The following SRBD1 variants were observed in gnomAD, a reference collection of about 807,000 sequenced individuals.
SRBD1 encodes S1 RNA binding domain 1.
SRBD1 carries 88 observed loss-of-function variants against 115.3 expected under a neutral mutation model. The observed-to-expected ratio is 0.76, with a 90% CI of 0.64 to 0.91. The LOEUF (loss-of-function observed/expected upper bound fraction) is 0.91, where lower values mean the gene tolerates loss of function less well. Ranked by LOEUF, SRBD1 falls within the 40% of genes least tolerant of loss-of-function variation. SRBD1 has a pLI of 0.00. For synonymous variants in SRBD1, 509 were observed against 407.7 expected, an observed-to-expected ratio of 1.25 and a Z score of -2.99; for missense variants, 1,385 against 1,177.4, an observed-to-expected ratio of 1.18 and a Z score of -2.58.
In SRBD1 at chr2:45,456,842, C is replaced by T. The variant is rs752229912; in HGVS notation, c.2049+20151G>A. Among the ~76,000 whole-genome samples, 8 of 151,784 alleles carry T rather than the reference C, an allele frequency of 5.3e-5. 1 individual carries two copies. The highest frequency in any genetic ancestry group is 7.4e-5 in the Non-Finnish European group (5 of 67,838). ...GACTTACAGTTGTAAAAGCAAACAA[C>T]GTAACTCTGGATTAGGGCACGTTTA... On this transcript the variant is annotated intron_variant, in intron 16 of 20. Transcript: ENST00000263736.
At chr2:45,508,213 C>T (rs1212045361) in intron 14 of SRBD1, among the ~76,000 whole-genome samples, 1 of 151,994 alleles carries the variant, frequency 6.6e-6, no homozygotes, top group South Asian at 2.1e-4. Context: ...TCTTGAAATT[C>T]CCAAAGGTAA....
chr2:45,580,195 G>C (rs1673306951), intron 6 of SRBD1, among the ~76,000 whole-genome samples, 182 bp from the exon 7 acceptor site: 1 of 152,098 alleles, frequency 6.6e-6, no homozygotes. Context: ...GATGGTATGT[G>C]CTTTATCTTA....
chr2:45,479,100 C>T (rs1350648790), intron 15 of SRBD1, among the ~76,000 whole-genome samples: 2 of 152,138 alleles, frequency 1.3e-5, no homozygotes, highest in Non-Finnish European at 2.9e-5. Flanking sequence ...TATAAGGTAA[C>T]AAACTTAATC....
At chr2:45,598,862 G>A (rs1673991665) in intron 4 of SRBD1, among the ~76,000 whole-genome samples, 1 of 152,118 alleles carries the variant, frequency 6.6e-6, no homozygotes, top group South Asian at 2.1e-4. Context: ...GTCCCAGAAT[G>A]TGCTGGGACA....
chr2:45,607,999 G>A (rs1310634870), intron 1 of SRBD1, among the ~76,000 whole-genome samples: 1 of 152,126 alleles, frequency 6.6e-6, no homozygotes, highest in Non-Finnish European at 1.5e-5. Context: ...AACCCACCCA[G>A]ATCACCTTAC....
intron 16 of SRBD1, among the ~76,000 whole-genome samples, chr2:45,463,265 C>G (rs1476097727): frequency 6.6e-6 from 1 of 152,190 alleles, no homozygotes; most frequent in African/African-American, 2.4e-5. Flanking sequence ...CCCACTTCAA[C>G]TCTTATACCT....
chr2:45,442,336 T>C (rs1415202154), intron 16 of SRBD1, among the ~76,000 whole-genome samples: 1 of 152,166 alleles, frequency 6.6e-6, no homozygotes, highest in Non-Finnish European at 1.5e-5. Context: ...TTAATAGATA[T>C]GGGAAAAAAC....
chr2:45,456,524 A>C (rs576089339), intron 16 of SRBD1, among the ~76,000 whole-genome samples: 1 of 151,948 alleles, frequency 6.6e-6, no homozygotes, highest in East Asian at 1.9e-4. Flanking sequence ...CATATAACCA[A>C]TGTTAAAAAA....
At chr2:45,588,359 T>G (rs866111260) in intron 4 of SRBD1, among the ~76,000 whole-genome samples, 8 of 152,216 alleles carry the variant, frequency 5.3e-5, no homozygotes, top group African/African-American at 1.9e-4. Flanking sequence ...GGCCAGTTAC[T>G]TTGCTCTTAA....
intron 18 of SRBD1, among the ~76,000 whole-genome samples, chr2:45,414,100 ACAT>A (rs1667688289): frequency 6.6e-6 from 1 of 152,190 alleles, no homozygotes. Context: ...TCACTGGCAA[ACAT>A]CAGATGTCAG....
chr2:45,547,428 C>G, intron 13 of SRBD1, 94 bp downstream of exon 13: 1 of 1,069,358 alleles, frequency 9.4e-7, no homozygotes, highest in Admixed American at 2.3e-5. Flanking sequence ...CACAAAGGCA[C>G]CTCCCTTAAT....
At chr2:45,603,813 A>C (rs1343523533) in intron 2 of SRBD1, among the ~76,000 whole-genome samples, 1 of 152,152 alleles carries the variant, frequency 6.6e-6, no homozygotes, top group Non-Finnish European at 1.5e-5. Flanking sequence ...TACAGGTGTG[A>C]GCCACCACAC....
In SRBD1 at chr2:45,601,906, C is replaced by T; in HGVS notation, c.258G>A (p.Glu86=). 1 of 1,614,094 alleles carries T rather than the reference C, an allele frequency of 6.2e-7. No homozygotes were observed. The highest frequency in any genetic ancestry group is 8.5e-7 in the Non-Finnish European group (1 of 1,179,954). The change falls in exon 3 of 21, where the codon GAG becomes GAA. Residue 86 remains glutamate, a synonymous_variant. Transcript: ENST00000263736. Reference sequence around the variant, plus strand: ...TCTATCCAGCTGTAGCACCTACCAGCTCCTCCTTAACAACAACGACTTCTG... The same window carrying T: ...TCTATCCAGCTGTAGCACCTACCAGTTCCTCCTTAACAACAACGACTTCTG... ...DGSEVVVVKE[E]LNSSVAIADT... is the part of the protein sequence containing the mutation.
Position 45,547,555 on chromosome 2 carries a change from G to A in SRBD1, c.1733C>T (p.Ala578Val), listed in dbSNP as rs61746112. 1.8e-4 allele frequency: 289 copies of A among 1,613,104 alleles called. No individual in the cohort carries two copies. Among genetic ancestry groups the A allele is most frequent in the Non-Finnish European group, 2.2e-4 (258 of 1,179,582 alleles). The change falls in exon 13 of 21, where the codon GCG (alanine) becomes GTG (valine). Residue 578 changes from alanine to valine, a missense_variant. Physicochemically the swap from Ala to Val is moderately conservative, Grantham distance 64 (BLOSUM62 0). Transcript: ENST00000263736. ...YLHCGQGFRE[A>V]EKIKTLLLNF... ...CAGCAAAAGTGTCTTTATTTTCTCC[G>A]CCTCTCGGAAGCCTTGTCCACAATG...
chr2:45,554,816 T>C (rs1389960147), intron 10 of SRBD1, among the ~76,000 whole-genome samples: 1 of 152,182 alleles, frequency 6.6e-6, no homozygotes, highest in Admixed American at 6.5e-5. Flanking sequence ...CCTACTGTCC[T>C]AGAATCACAC....
At chr2:45,455,149 C>T (rs994220983) in intron 16 of SRBD1, among the ~76,000 whole-genome samples, 4 of 151,766 alleles carry the variant, frequency 2.6e-5, no homozygotes, top group Non-Finnish European at 2.9e-5. Flanking sequence ...ATGACAAACT[C>T]TTTTCATTTA....
chr2:45,610,599 T>C (rs1009197695), intron 1 of SRBD1, among the ~76,000 whole-genome samples: 3 of 152,228 alleles, frequency 2.0e-5, no homozygotes, highest in Non-Finnish European at 4.4e-5. Context: ...CGTGAGGGGT[T>C]CGAGGAAAGT....
chr2:45,546,712 G>C lies in SRBD1; in HGVS notation c.1874+20C>G, dbSNP rs200776723. The C allele has an allele frequency of 3.1e-6, 5 of 1,606,574 alleles. No homozygotes were observed. Among genetic ancestry groups the C allele is most frequent in the East Asian group, 4.5e-5 (2 of 44,834 alleles). ...GTTCCCATGCTTCTCCAAGAAAAGA[G>C]ATATATGTAATAGCCTTACCAGTAA... On this transcript the variant is annotated intron_variant, in intron 14 of 20. Coordinates refer to ENST00000263736, the MANE Select transcript of SRBD1 (RefSeq NM_018079.5).
intron 19 of SRBD1, among the ~76,000 whole-genome samples, chr2:45,403,566 T>C (rs182455152): frequency 1.3e-5 from 2 of 152,184 alleles, no homozygotes; most frequent in African/African-American, 2.4e-5. Context: ...TTACAGCCAA[T>C]AATTATAAAC....
Sources: allele counts gnomAD v4.1 joint callset (sites outside exome capture counted in the v4.1 genomes callset), GRCh38; gene constraint gnomAD v4.1.1; transcripts MANE v1.5; gene names NCBI Gene and HGNC (gene_info 2026-07-23, HGNC 2026-07-21).